The following LEPR variants were observed in gnomAD, a reference collection of about 807,000 sequenced individuals.
LEPR encodes OB receptor.
LEPR carries 56 observed loss-of-function variants against 114.7 expected under a neutral mutation model. The ratio of observed to expected loss-of-function variants is 0.49; its 90% CI spans 0.39 to 0.61. The LOEUF (loss-of-function observed/expected upper bound fraction) is 0.61. Ranked by LOEUF, LEPR falls within the 20% of genes least tolerant of loss-of-function variation. The probability of loss-of-function intolerance (pLI) is 0.00; values close to 1 mark genes in which losing one functional copy is unlikely to be tolerated. For missense variants in LEPR, 1,202 were observed against 1,352.9 expected, an observed-to-expected ratio of 0.89 and a Z score of 1.75; for synonymous variants, 443 against 461.4, an observed-to-expected ratio of 0.96 and a Z score of 0.51.
At chr1:65,442,418 C>T (rs1380377705) in intron 2 of LEPR, among the ~76,000 whole-genome samples, 1 of 152,174 alleles carries the variant, frequency 6.6e-6, no homozygotes, top group African/African-American at 2.4e-5. Context: ...TCCAACTAAA[C>T]TAGTATATAT....
intron 17 of LEPR, among the ~76,000 whole-genome samples, 177 bp downstream of exon 17, chr1:65,620,200 T>C (rs111765423): frequency 3.2e-4 from 48 of 152,280 alleles, no homozygotes; most frequent in African/African-American, 1.1e-3. Context: ...AAAATAAAAC[T>C]GGAGCTATAG....
intron 2 of LEPR, among the ~76,000 whole-genome samples, chr1:65,489,540 T>C (rs1647755833): frequency 6.6e-6 from 1 of 152,182 alleles, no homozygotes; most frequent in Non-Finnish European, 1.5e-5. Flanking sequence ...ATGGATAGTT[T>C]GCAAATATTT....
chr1:65,438,005 C>G (rs1279918452), intron 2 of LEPR, among the ~76,000 whole-genome samples: 1 of 151,662 alleles, frequency 6.6e-6, no homozygotes, highest in Non-Finnish European at 1.5e-5. Context: ...ATGAAGTTTC[C>G]CTACATTGAC....
intron 2 of LEPR, among the ~76,000 whole-genome samples, chr1:65,492,164 TG>T (rs1647906712): frequency 6.6e-6 from 1 of 152,108 alleles, no homozygotes; most frequent in African/African-American, 2.4e-5. Flanking sequence ...TGTGCACAAG[TG>T]GGGGTAAAAG....
chr1:65,610,371 T>C, intron 14 of LEPR, 75 bp downstream of exon 14: 1 of 1,223,568 alleles, frequency 8.2e-7, no homozygotes, highest in Non-Finnish European at 1.2e-6. Flanking sequence ...TCCATAATCC[T>C]GTTATTAATC....
intron 14 of LEPR, among the ~76,000 whole-genome samples, chr1:65,614,010 G>A (rs1362283880): frequency 6.6e-6 from 1 of 151,842 alleles, no homozygotes; most frequent in Non-Finnish European, 1.5e-5. Context: ...AATGCAAAAT[G>A]GTACAGCCAC....
chr1:65,530,621 T>C (rs1378549266), intron 2 of LEPR, among the ~76,000 whole-genome samples: 1 of 151,928 alleles, frequency 6.6e-6, no homozygotes, highest in Non-Finnish European at 1.5e-5. Flanking sequence ...CTGGTGGGAG[T>C]GTAGTAGTGG....
chr1:65,548,288 A>T (rs1418512070), intron 2 of LEPR, among the ~76,000 whole-genome samples: 1 of 152,046 alleles, frequency 6.6e-6, no homozygotes, highest in Non-Finnish European at 1.5e-5. Context: ...TATTCTGTTG[A>T]TTTGGGGTGG....
intron 2 of LEPR, among the ~76,000 whole-genome samples, chr1:65,425,635 C>T (rs1259890286): frequency 8.5e-6 from 1 of 117,862 alleles, no homozygotes; most frequent in Admixed American, 8.8e-5. Flanking sequence ...AAGAGAGAGT[C>T]CTGTCCTCAA....
rs550113343 is a variant in LEPR at position 65,499,588 on chromosome 1, C to T, written c.-20-65958C>T. ...ACAATTAGGAGGATAAATTCCACCA[C>T]GGAGAAATGTTGTCAGGTTTAGTGT... On this transcript the variant is annotated intron_variant, in intron 2 of 19. Transcript: ENST00000349533. Among the ~76,000 whole-genome samples, 19 of 152,202 alleles carry T rather than the reference C, an allele frequency of 1.2e-4. No homozygotes were observed. The South Asian group carries it at 3.1e-3, about 25-fold the overall frequency.
intron 1 of LEPR, 139 bp downstream of exon 1, chr1:65,420,879 C>T: frequency 9.1e-7 from 1 of 1,096,344 alleles, no homozygotes; most frequent in Non-Finnish European, 1.3e-6. Context: ...GGGAGGCGAT[C>T]GACCGCTCCC....
chr1:65,488,215 TCTCTCTCTC>T (rs757370082), intron 2 of LEPR, among the ~76,000 whole-genome samples: 104 of 52,840 alleles, frequency 2.0e-3, no homozygotes, highest in Non-Finnish European at 2.3e-3. Context: ...TTTCTTTCTC[TCTCTCTCTC>T]TCTCTTTCTT....
intron 11 of LEPR, among the ~76,000 whole-genome samples, chr1:65,608,151 G>GC (rs1656931893): frequency 8.3e-6 from 1 of 120,604 alleles, no homozygotes; most frequent in Non-Finnish European, 1.7e-5. Flanking sequence ...GCAGTCCATG[G>GC]GTTTTTTTTT....
rs1294507238 is a variant in LEPR, at chr1:65,594,127, C to T, written c.703+1262C>T. Among the ~76,000 whole-genome samples, 8 of 151,992 alleles carry T rather than the reference C, an allele frequency of 5.3e-5. No individual in the cohort carries two copies. The South Asian group carries it at 1.7e-3, about 32-fold the overall frequency. On this transcript the variant is annotated intron_variant, in intron 6 of 19. Transcript: ENST00000349533. ...AACTGGTGTGATGGAGTGTCAGGGA[C>T]TATTATTTCTACTATGTAGATCAAA...
At chr1:65,485,210 A>G (rs1445785063) in intron 2 of LEPR, among the ~76,000 whole-genome samples, 1 of 152,156 alleles carries the variant, frequency 6.6e-6, no homozygotes, top group Admixed American at 6.6e-5. Context: ...TCATCTATAA[A>G]ACAGGGAAGA....
intron 5 of LEPR, among the ~76,000 whole-genome samples, chr1:65,583,202 A>T (rs748705714): frequency 2.0e-5 from 3 of 152,202 alleles, no homozygotes; most frequent in Non-Finnish European, 4.4e-5. Flanking sequence ...TGAGCCCAAC[A>T]ATCTTGCAGA....
At chr1:65,432,411 C>T in intron 2 of LEPR, 5 of 826,734 alleles carry the variant, frequency 6.0e-6, no homozygotes, top group Non-Finnish European at 7.3e-6. Flanking sequence ...AAGCCCCACT[C>T]TGGACCCAGG....
intron 2 of LEPR, among the ~76,000 whole-genome samples, chr1:65,444,437 TC>T (rs1213896024): frequency 6.6e-6 from 1 of 152,184 alleles, no homozygotes; most frequent in Admixed American, 6.5e-5. Flanking sequence ...ATCTGGCCCT[TC>T]TTTGATTCTT....
intron 2 of LEPR, among the ~76,000 whole-genome samples, chr1:65,514,690 G>A (rs934650158): frequency 3.9e-5 from 6 of 152,054 alleles, no homozygotes; most frequent in Admixed American, 3.9e-4. Flanking sequence ...AATCCCTTCG[G>A]TATGTGAATT....
Sources: gnomAD v4.1 joint callset for allele counts (sites outside exome capture counted in the v4.1 genomes callset) on GRCh38, gnomAD v4.1.1 for gene constraint, MANE v1.5 for transcripts, NCBI Gene and HGNC (gene_info 2026-07-23, HGNC 2026-07-21) for gene names.